The following PALLD variants were observed in gnomAD, a reference collection of about 807,000 sequenced individuals.
PALLD encodes the protein palladin, cytoskeletal associated protein.
A neutral mutation model predicts 123.5 loss-of-function variants in PALLD; 61 were observed. The ratio of observed to expected loss-of-function variants is 0.49; its 90% CI spans 0.40 to 0.61. The LOEUF is 0.61. Ranked by LOEUF, PALLD falls within the 20% of genes least tolerant of loss-of-function variation. The pLI, the probability that PALLD is intolerant of heterozygous loss-of-function variation, is 0.00. For missense variants in PALLD, 1,273 were observed against 1,377.0 expected, an observed-to-expected ratio of 0.92 and a Z score of 1.20; for synonymous variants, 465 against 496.4, an observed-to-expected ratio of 0.94 and a Z score of 0.84.
At chr4:168,894,800 G>A in intron 12 of PALLD, 123 bp downstream of exon 12, 3 of 1,487,756 alleles carry the variant, frequency 2.0e-6, no homozygotes, top group Non-Finnish European at 2.7e-6. Flanking sequence ...CAGAAAAGCA[G>A]TATTAATATC....
chr4:168,578,631 C>A (rs1005843925), intron 2 of PALLD, among the ~76,000 whole-genome samples: 3 of 151,804 alleles, frequency 2.0e-5, no homozygotes, highest in Non-Finnish European at 2.9e-5. Context: ...CAGACTGATA[C>A]AGTGTTCTAA....
At chr4:168,774,468 G>A (rs1398996032) in intron 10 of PALLD, among the ~76,000 whole-genome samples, 4 of 151,988 alleles carry the variant, frequency 2.6e-5, no homozygotes, top group South Asian at 2.1e-4. Flanking sequence ...TGGCTCATGC[G>A]TGTAATCCCA....
intron 15 of PALLD, among the ~76,000 whole-genome samples, chr4:168,909,546 G>T (rs1758476656): frequency 6.6e-6 from 1 of 152,080 alleles, no homozygotes; most frequent in African/African-American, 2.4e-5. Context: ...TTAGTTTGTT[G>T]CTTGTGTTTT....
At chr4:168,503,470 A>T (rs1761641304) in intron 1 of PALLD, among the ~76,000 whole-genome samples, 1 of 152,076 alleles carries the variant, frequency 6.6e-6, no homozygotes, top group Admixed American at 6.5e-5. Context: ...AACAAGGGGA[A>T]ACCCTGTCTC....
At chr4:168,636,726 A>G (rs2149847493) in intron 2 of PALLD, among the ~76,000 whole-genome samples, 1 of 152,314 alleles carries the variant, frequency 6.6e-6, no homozygotes, top group Admixed American at 6.5e-5. Context: ...GAAGGACTCT[A>G]TCTAAACTAT....
At chr4:168,909,183 C>T (rs541918862) in intron 15 of PALLD, among the ~76,000 whole-genome samples, 9 of 152,256 alleles carry the variant, frequency 5.9e-5, no homozygotes, top group Non-Finnish European at 1.2e-4. Context: ...CATCTAAACA[C>T]GAATGTTTTA....
intron 2 of PALLD, among the ~76,000 whole-genome samples, chr4:168,537,979 G>C (rs1765251295): frequency 6.6e-6 from 1 of 152,194 alleles, no homozygotes; most frequent in South Asian, 2.1e-4. Flanking sequence ...CTTCAGGTGA[G>C]AATAACCAGT....
At chr4:168,661,601 G>A (rs1056277026) in intron 2 of PALLD, among the ~76,000 whole-genome samples, 1 of 152,200 alleles carries the variant, frequency 6.6e-6, no homozygotes, top group African/African-American at 2.4e-5. Flanking sequence ...CATGTACCAT[G>A]CCCACTAATT....
chr4:168,593,770 A>C (rs938088059), intron 2 of PALLD, among the ~76,000 whole-genome samples: 1 of 152,210 alleles, frequency 6.6e-6, no homozygotes, highest in African/African-American at 2.4e-5. Flanking sequence ...AAGCAGGCCC[A>C]CCAAAAATCC....
chr4:168,674,576 A>C (rs902873877), intron 3 of PALLD, among the ~76,000 whole-genome samples: 2 of 152,184 alleles, frequency 1.3e-5, no homozygotes, highest in Non-Finnish European at 2.9e-5. Context: ...CAGGGCTGCA[A>C]GATGTGTCTG....
chr4:168,527,956 G>GCATC (rs1449139808), intron 2 of PALLD, among the ~76,000 whole-genome samples: 5 of 152,198 alleles, frequency 3.3e-5, no homozygotes, highest in Non-Finnish European at 5.9e-5. Flanking sequence ...TCAGGAAAGT[G>GCATC]CATCCACCTT....
intron 10 of PALLD, among the ~76,000 whole-genome samples, chr4:168,780,881 T>C (rs1735817774): frequency 6.6e-6 from 1 of 151,958 alleles, no homozygotes; most frequent in African/African-American, 2.4e-5. Flanking sequence ...AGAGACGGGG[T>C]TTCGCTATGT....
intron 10 of PALLD, among the ~76,000 whole-genome samples, chr4:168,834,044 T>C (rs893721028): frequency 6.6e-6 from 1 of 151,008 alleles, no homozygotes. Flanking sequence ...TTCTTGTACT[T>C]TGTCATTAGA....
chr4:168,905,150 T>G (rs1210436154), intron 15 of PALLD, among the ~76,000 whole-genome samples: 13 of 130,808 alleles, frequency 9.9e-5, no homozygotes, highest in Admixed American at 1.5e-4. Context: ...TTTTTTTTTT[T>G]TTTTTTTTTT....
At chr4:168,775,872 C>G (rs545576243) in intron 10 of PALLD, among the ~76,000 whole-genome samples, 42 of 152,274 alleles carry the variant, frequency 2.8e-4, no homozygotes, top group African/African-American at 1.0e-3. Flanking sequence ...TTTCTGGACT[C>G]TATTCTGTTC....
At chr4:168,554,525 A>G (rs1767072241) in intron 2 of PALLD, among the ~76,000 whole-genome samples, 1 of 152,216 alleles carries the variant, frequency 6.6e-6, no homozygotes, top group Non-Finnish European at 1.5e-5. Flanking sequence ...TCTCACAGCA[A>G]TGCATGTTAC....
chr4:168,518,207 C>T (rs561350103), intron 2 of PALLD, among the ~76,000 whole-genome samples: 231 of 152,252 alleles, frequency 1.5e-3, no homozygotes, highest in African/African-American at 5.1e-3. Flanking sequence ...TTTAATGTCT[C>T]CAGATCTGAC....
chr4:168,749,130 G>A (rs1730696620), intron 10 of PALLD, among the ~76,000 whole-genome samples: 1 of 151,954 alleles, frequency 6.6e-6, no homozygotes, highest in Non-Finnish European at 1.5e-5. Context: ...AAAGTGTGTG[G>A]CACTTCCCTG....
intron 10 of PALLD, among the ~76,000 whole-genome samples, chr4:168,741,414 G>T (rs142058429): frequency 1.3e-5 from 2 of 152,156 alleles, no homozygotes; most frequent in Non-Finnish European, 2.9e-5. Flanking sequence ...GGTGGCTCAC[G>T]CCTATAATCC....
Sources: gnomAD v4.1 joint callset for allele counts (sites outside exome capture counted in the v4.1 genomes callset) on GRCh38, gnomAD v4.1.1 for gene constraint, MANE v1.5 for transcripts, NCBI Gene and HGNC (gene_info 2026-07-23, HGNC 2026-07-21) for gene names.